The following SH3KBP1 variants were observed in gnomAD, a reference collection of about 807,000 sequenced individuals.
SH3KBP1 encodes SH3 domain containing kinase binding protein 1.
In SH3KBP1, 8 loss-of-function variants were observed where a neutral mutation model predicts 50.1. That is an observed-to-expected ratio of 0.16 (90% CI 0.09 to 0.29). The LOEUF (loss-of-function observed/expected upper bound fraction) is 0.29. SH3KBP1 is among the 10% of genes least tolerant of loss of function. The pLI is 1.00. For synonymous variants in SH3KBP1, 227 were observed against 218.6 expected (o/e 1.04, Z -0.34); for missense variants, 377 against 535.2 (o/e 0.70, Z 2.92).
At chrX:19,730,390 G>T (rs1371645664) in intron 3 of SH3KBP1, among the ~76,000 whole-genome samples, 1 of 111,543 alleles carries the variant, frequency 9.0e-6, no homozygotes, top group Non-Finnish European at 1.9e-5. Context: ...CTAGCAAAGG[G>T]GTAAAATAAT....
At chrX:19,684,317 G>A (rs1360558847) in intron 5 of SH3KBP1, among the ~76,000 whole-genome samples, 1 of 111,533 alleles carries the variant, frequency 9.0e-6, no homozygotes, top group South Asian at 3.7e-4. Context: ...CTTTAGCCGG[G>A]AGCCTGGTTT....
chrX:19,637,061 T>A (rs939962972), intron 7 of SH3KBP1, among the ~76,000 whole-genome samples: 4 of 112,456 alleles, frequency 3.6e-5, no homozygotes, highest in African/African-American at 1.3e-4. Context: ...TGGTTGGTAA[T>A]CCCTCACTCA....
At chrX:19,586,020 G>A (rs1189685368) in intron 12 of SH3KBP1, among the ~76,000 whole-genome samples, 1 of 112,216 alleles carries the variant, frequency 8.9e-6, no homozygotes. Context: ...GGCACGCACT[G>A]TTAAGAACAA....
intron 6 of SH3KBP1, among the ~76,000 whole-genome samples, chrX:19,662,326 T>C (rs915217421): frequency 4.5e-5 from 5 of 112,183 alleles, no homozygotes; most frequent in East Asian, 2.8e-4. Context: ...CAAAAACATA[T>C]TTCCTGCTCT....
intron 3 of SH3KBP1, among the ~76,000 whole-genome samples, chrX:19,738,888 G>C (rs756882553): frequency 1.9e-5 from 2 of 106,732 alleles, no homozygotes; most frequent in Admixed American, 2.0e-4. Context: ...GCAGGTGCCT[G>C]TAGTCCCAGC....
rs202178991 is a variant in SH3KBP1 at position 19,774,658 on chromosome X, G to A, written c.163-28217C>T. Reference sequence around the variant, plus strand: ...TGCACTCCCCTGTCTCAAAAAAAAAGAAAGAAAGAAAGAAAGAAAGAAAGA... The same window carrying A: ...TGCACTCCCCTGTCTCAAAAAAAAAAAAAGAAAGAAAGAAAGAAAGAAAGA... On this transcript the variant is annotated intron_variant, in intron 2 of 17. Coordinates refer to ENST00000397821, the MANE Select transcript of SH3KBP1 (RefSeq NM_031892.3). Among the ~76,000 whole-genome samples the A allele has an allele frequency of 4.3e-4, 13 of 30,207 alleles. 1 individual carries two copies. Among genetic ancestry groups the A allele is most frequent in the African/African-American group, 3.5e-3 (9 of 2,566 alleles). The allele number at this position is 30,207 out of a possible 115,157, so 26.2% of individuals were successfully genotyped here. A position where few individuals can be genotyped will look rare whatever the true frequency, so the allele number is the denominator to read the frequency against.
intron 2 of SH3KBP1, chrX:19,799,754 C>T (rs1007820069): frequency 1.3e-5 from 16 of 1,191,149 alleles, no homozygotes; most frequent in South Asian, 7.4e-5. Context: ...CCGTGCTCTC[C>T]GAGAACTGCA....
chrX:19,720,195 G>A (rs1297989888), intron 3 of SH3KBP1, among the ~76,000 whole-genome samples: 1 of 110,515 alleles, frequency 9.0e-6, no homozygotes, highest in African/African-American at 3.3e-5. Flanking sequence ...GTCTCTAAAC[G>A]TCCCTCTGCT....
At chrX:19,612,333 G>A (rs760708455) in intron 8 of SH3KBP1, among the ~76,000 whole-genome samples, 18 of 111,902 alleles carry the variant, frequency 1.6e-4, no homozygotes, top group African/African-American at 4.5e-4. Context: ...CATGATCTCG[G>A]CTCACTGCAA....
At chrX:19,796,537 C>T (rs946021774) in intron 2 of SH3KBP1, among the ~76,000 whole-genome samples, 15 of 111,865 alleles carry the variant, frequency 1.3e-4, no homozygotes, top group African/African-American at 4.9e-4. Flanking sequence ...CGAGACCTCA[C>T]TAACATCTGA....
At chrX:19,841,943 C>CATGT (rs1405646052) in intron 1 of SH3KBP1, among the ~76,000 whole-genome samples, 16 of 106,820 alleles carry the variant, frequency 1.5e-4, no homozygotes, top group African/African-American at 5.5e-4. Context: ...TTTTTTCTTT[C>CATGT]ATGTATAACA....
At chrX:19,634,583 T>C (rs1339018880) in intron 7 of SH3KBP1, among the ~76,000 whole-genome samples, 1 of 111,458 alleles carries the variant, frequency 9.0e-6, no homozygotes, top group African/African-American at 3.3e-5. Context: ...TCAATGTTTC[T>C]TGATGATCTC....
intron 7 of SH3KBP1, among the ~76,000 whole-genome samples, chrX:19,633,504 G>C (rs2061625732): frequency 8.9e-6 from 1 of 112,324 alleles, no homozygotes; most frequent in Non-Finnish European, 1.9e-5. Context: ...GTTAAAACAT[G>C]TTTAAATTGG....
chrX:19,868,832 G>A (rs897396450), intron 1 of SH3KBP1, among the ~76,000 whole-genome samples: 5 of 107,870 alleles, frequency 4.6e-5, no homozygotes, highest in Non-Finnish European at 3.8e-5. Flanking sequence ...CTTCCCCTAC[G>A]GTAGACAGAA....
At chrX:19,618,847 T>C (rs922446440) in intron 8 of SH3KBP1, among the ~76,000 whole-genome samples, 3 of 107,184 alleles carry the variant, frequency 2.8e-5, no homozygotes, top group South Asian at 8.4e-4. Context: ...ATGCCTGTAG[T>C]CCCACCTACT....
intron 8 of SH3KBP1, among the ~76,000 whole-genome samples, chrX:19,609,343 T>C (rs1053540860): frequency 9.0e-6 from 1 of 111,547 alleles, no homozygotes. Flanking sequence ...CACTGTCAAA[T>C]ATAAAATTCC....
chrX:19,536,385 A>T lies in SH3KBP1; in HGVS notation c.*32T>A. On this transcript the variant is annotated 3_prime_UTR_variant, in exon 18 of 18. Coordinates refer to ENST00000397821, the MANE Select transcript of SH3KBP1 (RefSeq NM_031892.3). Reference sequence around the variant, plus strand: ...AGAAAATTTGAGTCTCGGACTCAGGATGAATAATGTGACATTTCATTGATC... The same window carrying T: ...AGAAAATTTGAGTCTCGGACTCAGGTTGAATAATGTGACATTTCATTGATC... The T allele has an allele frequency of 9.6e-7, 1 of 1,042,903 alleles. No individual in the cohort carries two copies. Among genetic ancestry groups the T allele is most frequent in the Non-Finnish European group, 1.3e-6 (1 of 755,610 alleles). The allele number at this position is 1,042,903 out of a possible 1,213,427, so 85.9% of individuals were successfully genotyped here.
intron 2 of SH3KBP1, among the ~76,000 whole-genome samples, chrX:19,769,572 G>A (rs1164027665): frequency 9.0e-6 from 1 of 110,630 alleles, no homozygotes; most frequent in Non-Finnish European, 1.9e-5. Flanking sequence ...ATGCACATGG[G>A]GCACTTCATG....
chrX:19,765,845 A>G (rs1157540938), intron 2 of SH3KBP1, among the ~76,000 whole-genome samples: 1 of 112,025 alleles, frequency 8.9e-6, no homozygotes, highest in Non-Finnish European at 1.9e-5. Flanking sequence ...GTCACTTAGC[A>G]TAATGTATCA....
Sources: allele counts gnomAD v4.1 joint callset (sites outside exome capture counted in the v4.1 genomes callset), GRCh38; gene constraint gnomAD v4.1.1; transcripts MANE v1.5; gene names NCBI Gene and HGNC (gene_info 2026-07-23, HGNC 2026-07-21).